Variants in ZNF521 observed in about 807,000 individuals in gnomAD.
The protein encoded by ZNF521 is LYST-interacting protein 3.
In ZNF521, 14 loss-of-function variants were observed where a neutral mutation model predicts 105.5. That is an observed-to-expected ratio of 0.13 (90% confidence interval 0.09 to 0.21). The LOEUF (loss-of-function observed/expected upper bound fraction) is 0.21, where lower values mean the gene tolerates loss of function less well. Among genes scored for constraint, ZNF521 ranks in the 10% least tolerant of loss-of-function variants. ZNF521 has a pLI of 1.00. For synonymous variants in ZNF521, 635 were observed against 606.0 expected, an observed-to-expected ratio of 1.05 and a Z score of -0.70; for missense variants, 1,233 against 1,629.7, an observed-to-expected ratio of 0.76 and a Z score of 4.19.
intron 5 of ZNF521, among the ~76,000 whole-genome samples, chr18:25,093,872 T>C (rs2033799853): frequency 6.6e-6 from 1 of 152,136 alleles, no homozygotes; most frequent in South Asian, 2.1e-4. Context: ...CACCAAAAAA[T>C]TTCCAGATTT....
chr18:25,210,459 G>A (rs1465324367), intron 4 of ZNF521, among the ~76,000 whole-genome samples: 1 of 152,062 alleles, frequency 6.6e-6, no homozygotes, highest in Non-Finnish European at 1.5e-5. Flanking sequence ...GTAATACAAT[G>A]TTTAATTCAA....
intron 3 of ZNF521, among the ~76,000 whole-genome samples, chr18:25,298,923 A>G (rs149651993): frequency 6.6e-6 from 1 of 152,312 alleles, no homozygotes; most frequent in Non-Finnish European, 1.5e-5. Flanking sequence ...CCATGCCCCA[A>G]AACAATGCAG....
chr18:25,332,679 C>T (rs1913644877), intron 2 of ZNF521, among the ~76,000 whole-genome samples: 1 of 152,122 alleles, frequency 6.6e-6, no homozygotes, highest in Non-Finnish European at 1.5e-5. Context: ...TTTCCTAGGA[C>T]ACAAAATAAT....
In ZNF521 at chr18:25,091,916, C is replaced by A. The variant is rs12961760; in HGVS notation, c.3790+34G>T. 1.6e-5 allele frequency: 25 copies of A among 1,609,468 alleles called. No individual in the cohort carries two copies. The East Asian group carries it at 5.6e-4, about 36-fold the overall frequency. On this transcript the variant is annotated intron_variant, in intron 6 of 7. Transcript: ENST00000361524. ...AGGAAAGACATGATGTGGCCATCAG[C>A]CTCTCCTGTGTCTTCCTGAAATAAT...
intron 5 of ZNF521, among the ~76,000 whole-genome samples, chr18:25,140,822 G>A (rs2062486246): frequency 1.3e-5 from 2 of 152,158 alleles, no homozygotes; most frequent in Admixed American, 6.6e-5. Context: ...CTGTGATGAT[G>A]CCAAGATTAC....
At chr18:25,203,582 A>G (rs923208341) in intron 4 of ZNF521, among the ~76,000 whole-genome samples, 4 of 152,026 alleles carry the variant, frequency 2.6e-5, no homozygotes, top group African/African-American at 9.7e-5. Context: ...ATGCCATTGC[A>G]CTCCAGCCTG....
At chr18:25,149,055 C>T (rs2034998129) in intron 5 of ZNF521, among the ~76,000 whole-genome samples, 1 of 152,110 alleles carries the variant, frequency 6.6e-6, no homozygotes. Flanking sequence ...CACCACATCC[C>T]TAAAACTATT....
chr18:25,287,795 C>T (rs1489000602), intron 3 of ZNF521, among the ~76,000 whole-genome samples: 1 of 152,160 alleles, frequency 6.6e-6, no homozygotes, highest in African/African-American at 2.4e-5. Flanking sequence ...TCAGAAAGAG[C>T]ATTAAATTGA....
chr18:25,141,012 A>G (rs147230839), intron 5 of ZNF521, among the ~76,000 whole-genome samples: 1 of 152,206 alleles, frequency 6.6e-6, no homozygotes, highest in Non-Finnish European at 1.5e-5. Context: ...TCGCTTCTTC[A>G]AGAAATCTTC....
At chr18:25,142,049 AT>A (rs1221699352) in intron 5 of ZNF521, among the ~76,000 whole-genome samples, 1 of 152,146 alleles carries the variant, frequency 6.6e-6, no homozygotes, top group Non-Finnish European at 1.5e-5. Context: ...AAGACACTAA[AT>A]GTTTTTCCTA....
chr18:25,301,898 T>C (rs532743995), intron 3 of ZNF521: 1 of 152,306 alleles, frequency 6.6e-6, no homozygotes, highest in South Asian at 2.1e-4. Flanking sequence ...CAGAATATGC[T>C]TTTGGGTAAC....
At chr18:25,291,121 A>G (rs1910994078) in intron 3 of ZNF521, among the ~76,000 whole-genome samples, 1 of 152,192 alleles carries the variant, frequency 6.6e-6, no homozygotes, top group Non-Finnish European at 1.5e-5. Context: ...CTACCAAGAT[A>G]TAATTGAATG....
intron 7 of ZNF521, among the ~76,000 whole-genome samples, chr18:25,086,599 A>G (rs866556312): frequency 1.4e-4 from 21 of 152,176 alleles, no homozygotes; most frequent in Non-Finnish European, 2.9e-4. Context: ...TCAATATCTC[A>G]TCTCAGATTC....
chr18:25,180,087 C>T (rs1017148742), intron 5 of ZNF521, among the ~76,000 whole-genome samples: 1 of 152,184 alleles, frequency 6.6e-6, no homozygotes, highest in Admixed American at 6.5e-5. Context: ...GTTAAAAAAA[C>T]TTTTTCGTTT....
intron 7 of ZNF521, among the ~76,000 whole-genome samples, chr18:25,064,623 C>A (rs796866604): frequency 3.3e-5 from 5 of 152,300 alleles, no homozygotes; most frequent in African/African-American, 1.2e-4. Flanking sequence ...CAGAGGGATT[C>A]ATCTTAGAGA....
chr18:25,185,256 A>G (rs1181004546), intron 5 of ZNF521, among the ~76,000 whole-genome samples: 1 of 152,168 alleles, frequency 6.6e-6, no homozygotes, highest in African/African-American at 2.4e-5. Context: ...TATTTACAGT[A>G]AATTTGTTCT....
chr18:25,160,604 A>G (rs2035233353), intron 5 of ZNF521, among the ~76,000 whole-genome samples: 1 of 152,198 alleles, frequency 6.6e-6, no homozygotes, highest in Admixed American at 6.5e-5. Flanking sequence ...TTTAGAAGTA[A>G]AAGTTCCACA....
chr18:25,193,759 T>A (rs1182571460), intron 5 of ZNF521, among the ~76,000 whole-genome samples: 2 of 152,034 alleles, frequency 1.3e-5, no homozygotes, highest in Non-Finnish European at 2.9e-5. Context: ...AACGCTATTG[T>A]CACATTGAAG....
Position 25,319,097 on chromosome 18 carries a change from A to G in ZNF521, c.220+2911T>C, listed in dbSNP as rs144413573. Among the ~76,000 whole-genome samples, 8 of 152,310 alleles carry G rather than the reference A, an allele frequency of 5.3e-5. No individual in the cohort carries two copies. The East Asian group carries it at 1.5e-3, about 29-fold the overall frequency. On this transcript the variant is annotated intron_variant, in intron 3 of 7. Coordinates refer to ENST00000361524, the MANE Select transcript of ZNF521 (RefSeq NM_015461.3). ...TGGAGGCATATTAAACACATACAGG[A>G]TCCTGTTTGAAGGGACTCCCATTGG... is the stretch of plus-strand genomic sequence containing the variant.
Sources: allele counts gnomAD v4.1 joint callset (sites outside exome capture counted in the v4.1 genomes callset), GRCh38; gene constraint gnomAD v4.1.1; transcripts MANE v1.5; gene names NCBI Gene and HGNC (gene_info 2026-07-23, HGNC 2026-07-21).